AFG2A: variants seen among roughly 807,000 people sequenced by gnomAD.
AFG2A encodes the protein ATPase family gene 2 protein homolog A.
chr4:123,065,366 A>G, the AFG2A span, among the ~76,000 whole-genome samples: 3 of 152,150 alleles, frequency 2.0e-5, no homozygotes, highest in African/African-American at 7.2e-5. Flanking sequence ...TAACCTCTCT[A>G]AGCCTTAGTT....
At chr4:123,244,349 A>G in the AFG2A span, among the ~76,000 whole-genome samples, 1 of 152,220 alleles carries the variant, frequency 6.6e-6, no homozygotes. Context: ...AATAGAAAAC[A>G]GAAACAATGT....
At chr4:123,006,810 A>T in the AFG2A span, among the ~76,000 whole-genome samples, 2 of 151,680 alleles carry the variant, frequency 1.3e-5, no homozygotes, top group Non-Finnish European at 2.9e-5. Flanking sequence ...TAATCCTATC[A>T]TCTGTGTACT....
chr4:122,988,059 T>C, the AFG2A span, among the ~76,000 whole-genome samples: 4 of 72,820 alleles, frequency 5.5e-5, no homozygotes, highest in African/African-American at 1.7e-4. Flanking sequence ...GTATTCTTTG[T>C]TGGCAGTTTT....
chr4:122,980,853 T>G, the AFG2A span, among the ~76,000 whole-genome samples: 16 of 152,178 alleles, frequency 1.1e-4, no homozygotes, highest in Non-Finnish European at 1.5e-5. Flanking sequence ...TGTTTTTTTT[T>G]GCTTTTGAGT....
At chr4:123,197,237 T>G in the AFG2A span, among the ~76,000 whole-genome samples, 1 of 152,210 alleles carries the variant, frequency 6.6e-6, no homozygotes. Context: ...AGAAAACGTT[T>G]GTTTAAATAA....
At chr4:123,197,627 G>T in the AFG2A span, among the ~76,000 whole-genome samples, 1 of 151,958 alleles carries the variant, frequency 6.6e-6, no homozygotes, top group Admixed American at 6.6e-5. Context: ...AAATTAGCCG[G>T]GCACAGTGGC....
chr4:123,189,472 C>T, the AFG2A span, among the ~76,000 whole-genome samples: 91,578 of 151,260 alleles, frequency 0.61, 28,803 homozygotes, highest in Non-Finnish European at 0.68. Context: ...TAATTTGACT[C>T]TTCCAACTTA....
chr4:123,099,672 C>G, the AFG2A span, among the ~76,000 whole-genome samples: 1 of 151,534 alleles, frequency 6.6e-6, no homozygotes, highest in Non-Finnish European at 1.5e-5. Flanking sequence ...AAGCATACAC[C>G]ATCCCCTCTT....
the AFG2A span, among the ~76,000 whole-genome samples, chr4:123,102,461 A>G: frequency 1.3e-5 from 2 of 151,944 alleles, no homozygotes; most frequent in South Asian, 4.1e-4. Flanking sequence ...TTTTTCACAG[A>G]TGTCTGATTA....
chr4:123,183,727 A>T, the AFG2A span, among the ~76,000 whole-genome samples: 1 of 152,114 alleles, frequency 6.6e-6, no homozygotes, highest in African/African-American at 2.4e-5. Flanking sequence ...TGGCTGCTTG[A>T]TTTACATGAG....
At chr4:123,082,594 A>G in the AFG2A span, among the ~76,000 whole-genome samples, 4 of 147,450 alleles carry the variant, frequency 2.7e-5, no homozygotes, top group Non-Finnish European at 1.5e-5. Flanking sequence ...TTGAATTTGG[A>G]TAGTGTCAGT....
chr4:123,239,486 G>T, the AFG2A span, among the ~76,000 whole-genome samples: 4 of 152,098 alleles, frequency 2.6e-5, no homozygotes, highest in Non-Finnish European at 5.9e-5. Context: ...CGGCTCTCTC[G>T]GGCAGAAATC....
the AFG2A span, among the ~76,000 whole-genome samples, chr4:123,000,688 C>T: frequency 5.7e-5 from 5 of 87,534 alleles, no homozygotes; most frequent in Non-Finnish European, 8.1e-5. Context: ...TTTTGATGTG[C>T]TGCTGGATTC....
chr4:123,031,432 C>A, the AFG2A span, among the ~76,000 whole-genome samples: 1 of 152,144 alleles, frequency 6.6e-6, no homozygotes, highest in African/African-American at 2.4e-5. Context: ...GGATTACAGG[C>A]GTGAGTCACT....
chr4:123,305,947 A>T, the AFG2A span, among the ~76,000 whole-genome samples: 1 of 152,194 alleles, frequency 6.6e-6, no homozygotes, highest in African/African-American at 2.4e-5. Flanking sequence ...TTTAAAAGTG[A>T]GGTAATTAGA....
At chr4:123,051,445 A>G in the AFG2A span, among the ~76,000 whole-genome samples, 1 of 151,900 alleles carries the variant, frequency 6.6e-6, no homozygotes, top group Admixed American at 6.6e-5. Context: ...CTGTTTTTAT[A>G]TTGCCTCTTA....
chr4:123,246,358 G>A, the AFG2A span, among the ~76,000 whole-genome samples: 7 of 152,220 alleles, frequency 4.6e-5, no homozygotes, highest in East Asian at 7.7e-4. Flanking sequence ...GTTGCACTTC[G>A]TTCCTGTGCT....
At chr4:123,190,542 A>T in the AFG2A span, among the ~76,000 whole-genome samples, 4 of 152,324 alleles carry the variant, frequency 2.6e-5, no homozygotes, top group East Asian at 7.7e-4. Context: ...CAGAAGAATG[A>T]GAAAGGCCTG....
the AFG2A span, among the ~76,000 whole-genome samples, chr4:122,970,400 T>G: frequency 1.3e-5 from 2 of 151,730 alleles, no homozygotes; most frequent in Non-Finnish European, 2.9e-5. Context: ...TAAAATCACA[T>G]AAAGACACAT....
Sources: allele counts gnomAD v4.1 joint callset (sites outside exome capture counted in the v4.1 genomes callset), GRCh38; gene constraint gnomAD v4.1.1; transcripts MANE v1.5; gene names NCBI Gene and HGNC (gene_info 2026-07-23, HGNC 2026-07-21).